Variants in IQCJ observed in about 807,000 individuals in gnomAD.
IQCJ encodes the protein IQ domain-containing protein J.
IQCJ carries 9 observed loss-of-function variants against 11.0 expected under a neutral mutation model. That is an observed-to-expected ratio of 0.82 (90% CI 0.49 to 1.43). The LOEUF is 1.43. Ranked by LOEUF, IQCJ falls within the 40% of genes most tolerant of loss-of-function variation. The probability of loss-of-function intolerance (pLI) is 0.00; values close to 1 mark genes in which losing one functional copy is unlikely to be tolerated. For missense variants in IQCJ, 146 were observed against 133.2 expected (o/e 1.10, Z -0.47); for synonymous variants, 55 against 51.3 (o/e 1.07, Z -0.31).
At chr3:159,145,737 G>A (rs1423581774) in intron 1 of IQCJ, among the ~76,000 whole-genome samples, 1 of 151,876 alleles carries the variant, frequency 6.6e-6, no homozygotes, top group Non-Finnish European at 1.5e-5. Context: ...TATATTCCAG[G>A]CTCCAGCTAT....
At chr3:159,210,096 A>G (rs1012209032) in intron 1 of IQCJ, among the ~76,000 whole-genome samples, 1 of 152,202 alleles carries the variant, frequency 6.6e-6, no homozygotes, top group Non-Finnish European at 1.5e-5. Flanking sequence ...AGGGCCTGCC[A>G]TGATCTGAAG....
chr3:159,201,835 C>G (rs1724365890), intron 1 of IQCJ, among the ~76,000 whole-genome samples: 1 of 151,860 alleles, frequency 6.6e-6, no homozygotes, highest in Non-Finnish European at 1.5e-5. Context: ...GTTGTTGTTA[C>G]TCTTTTCCAT....
chr3:159,221,950 A>G (rs1725574765), intron 1 of IQCJ, among the ~76,000 whole-genome samples: 1 of 152,204 alleles, frequency 6.6e-6, no homozygotes, highest in Non-Finnish European at 1.5e-5. Context: ...CTTAAACTAA[A>G]AAACAAAGAG....
chr3:159,217,316 T>A (rs1725289067), intron 1 of IQCJ, among the ~76,000 whole-genome samples: 1 of 152,208 alleles, frequency 6.6e-6, no homozygotes, highest in Non-Finnish European at 1.5e-5. Context: ...ATTGGGTGAC[T>A]GAGTTGTCAT....
intron 1 of IQCJ, among the ~76,000 whole-genome samples, chr3:159,084,923 T>TA (rs1553774102): frequency 9.8e-5 from 13 of 132,512 alleles, no homozygotes; most frequent in East Asian, 4.6e-4. Context: ...CTTTTTTTTT[T>TA]ATTATTATTA....
chr3:159,254,887 T>C (rs1362860577), intron 3 of IQCJ, among the ~76,000 whole-genome samples: 1 of 152,212 alleles, frequency 6.6e-6, no homozygotes, highest in Non-Finnish European at 1.5e-5. Flanking sequence ...GAAGGGGCCA[T>C]TGGGTCTCCT....
intron 3 of IQCJ, among the ~76,000 whole-genome samples, chr3:159,254,871 C>G (rs1727801804): frequency 6.6e-6 from 1 of 152,182 alleles, no homozygotes; most frequent in Non-Finnish European, 1.5e-5. Flanking sequence ...TTTTGGGACT[C>G]TGAGGGAAGG....
chr3:159,190,717 C>G (rs534503905), intron 1 of IQCJ, among the ~76,000 whole-genome samples: 13 of 152,318 alleles, frequency 8.5e-5, no homozygotes, highest in Middle Eastern at 3.4e-3. Flanking sequence ...TGTCCCGGTT[C>G]TAGCTTCACT....
downstream of IQCJ, chr3:159,265,464 C>A: frequency 7.5e-7 from 1 of 1,341,968 alleles, no homozygotes; most frequent in Non-Finnish European, 1.0e-6. Flanking sequence ...CTAAGCCTGT[C>A]ATCAAGAAAT....
chr3:159,090,886 C>G (rs956045308), intron 1 of IQCJ, among the ~76,000 whole-genome samples: 11 of 151,870 alleles, frequency 7.2e-5, no homozygotes, highest in Non-Finnish European at 1.5e-4. Flanking sequence ...AACATAAAAG[C>G]CTTACCAGCT....
intron 1 of IQCJ, among the ~76,000 whole-genome samples, chr3:159,196,879 A>G (rs1724014611): frequency 6.6e-6 from 1 of 152,110 alleles, no homozygotes; most frequent in Admixed American, 6.6e-5. Flanking sequence ...CAATACCACT[A>G]CTTACTAGAC....
chr3:159,253,167 T>TCA (rs149334599), intron 3 of IQCJ, among the ~76,000 whole-genome samples: 27 of 151,800 alleles, frequency 1.8e-4, no homozygotes, highest in East Asian at 5.8e-4. Context: ...CATCTATGTA[T>TCA]CACACACACA....
chr3:159,225,969 G>A (rs1197539936), intron 1 of IQCJ, among the ~76,000 whole-genome samples: 1 of 152,118 alleles, frequency 6.6e-6, no homozygotes, highest in Non-Finnish European at 1.5e-5. Flanking sequence ...ACTATTATTG[G>A]TTTGCTATAA....
intron 1 of IQCJ, among the ~76,000 whole-genome samples, chr3:159,115,849 A>G (rs1213630357): frequency 6.6e-6 from 1 of 152,148 alleles, no homozygotes; most frequent in Non-Finnish European, 1.5e-5. Context: ...CATAAGTGGG[A>G]GCTGAACAAT....
At chr3:159,107,810 C>A (rs929768604) in intron 1 of IQCJ, among the ~76,000 whole-genome samples, 1 of 151,946 alleles carries the variant, frequency 6.6e-6, no homozygotes, top group African/African-American at 2.4e-5. Context: ...GAGCACCCAA[C>A]GCCTGAGCTT....
At chr3:159,163,862 C>T (rs971645725) in intron 1 of IQCJ, among the ~76,000 whole-genome samples, 55 of 152,158 alleles carry the variant, frequency 3.6e-4, no homozygotes, top group Admixed American at 2.1e-3. Context: ...GCATACACTA[C>T]GCTTGAGGTA....
intron 1 of IQCJ, among the ~76,000 whole-genome samples, chr3:159,169,779 T>A (rs1722393684): frequency 6.6e-6 from 1 of 152,164 alleles, no homozygotes; most frequent in African/African-American, 2.4e-5. Context: ...ATTCTGGGTG[T>A]GTGTGGAGGC....
At chr3:159,200,629 T>A (rs1330083646) in intron 1 of IQCJ, among the ~76,000 whole-genome samples, 1 of 152,104 alleles carries the variant, frequency 6.6e-6, no homozygotes, top group Non-Finnish European at 1.5e-5. Context: ...AGTAATCTGA[T>A]TGTTTGGTCC....
At chr3:159,187,117 A>G (rs2108029377) in intron 1 of IQCJ, among the ~76,000 whole-genome samples, 1 of 152,346 alleles carries the variant, frequency 6.6e-6, no homozygotes, top group African/African-American at 2.4e-5. Context: ...CAGTTAAATA[A>G]AAGCATTTTC....
Sources: allele counts gnomAD v4.1 joint callset (sites outside exome capture counted in the v4.1 genomes callset), GRCh38; gene constraint gnomAD v4.1.1; transcripts MANE v1.5; gene names NCBI Gene and HGNC (gene_info 2026-07-23, HGNC 2026-07-21).